KALRN: variants seen among roughly 807,000 people sequenced by gnomAD.
KALRN encodes the protein kalirin.
In KALRN, 70 loss-of-function variants were observed where a neutral mutation model predicts 353.7. That is an observed-to-expected ratio of 0.20 (90% CI 0.16 to 0.24). KALRN has a LOEUF of 0.24. Among genes scored for constraint, KALRN ranks in the 10% least tolerant of loss-of-function variants. The pLI is 1.00. For synonymous variants in KALRN, 1,391 were observed against 1,434.8 expected, an observed-to-expected ratio of 0.97 and a Z score of 0.69; for missense variants, 2,791 against 3,756.7, an observed-to-expected ratio of 0.74 and a Z score of 6.72.
At chr3:124,714,094 G>A (rs150931033) in intron 58 of KALRN, among the ~76,000 whole-genome samples, 5 of 151,528 alleles carry the variant, frequency 3.3e-5, no homozygotes, top group African/African-American at 9.7e-5. Context: ...AAACAGAGGG[G>A]ACAAACCCCA....
At chr3:124,674,810 T>C in intron 49 of KALRN, 196 bp downstream of exon 49, 1 of 452,212 alleles carries the variant, frequency 2.2e-6, no homozygotes, top group East Asian at 3.6e-5. Context: ...TCCAGTTTTT[T>C]AGTTGGTGGT....
At chr3:124,272,083 A>C (rs2074227807) in intron 5 of KALRN, among the ~76,000 whole-genome samples, 1 of 152,178 alleles carries the variant, frequency 6.6e-6, no homozygotes, top group Non-Finnish European at 1.5e-5. Flanking sequence ...ATTGGGTACT[A>C]TACCCATACC....
intron 51 of KALRN, among the ~76,000 whole-genome samples, chr3:124,687,858 AAG>A (rs1174914495): frequency 6.7e-6 from 1 of 149,890 alleles, no homozygotes; most frequent in African/African-American, 2.4e-5. Context: ...AACTGGGTAA[AAG>A]AAAAAAATCA....
At chr3:124,569,505 A>G (rs1164796411) in intron 34 of KALRN, among the ~76,000 whole-genome samples, 1 of 152,200 alleles carries the variant, frequency 6.6e-6, no homozygotes, top group Non-Finnish European at 1.5e-5. Flanking sequence ...TTATGCTAAT[A>G]GCAATAATAT....
At chr3:124,678,354 C>T (rs561688495) in intron 50 of KALRN, 41 bp downstream of exon 50, 1 of 1,605,810 alleles carries the variant, frequency 6.2e-7, no homozygotes, top group Admixed American at 1.7e-5. Flanking sequence ...ACCTGTCATC[C>T]ACTCCCACCC....
At chr3:124,495,766 G>A (rs2063647341) in intron 32 of KALRN, among the ~76,000 whole-genome samples, 1 of 136,656 alleles carries the variant, frequency 7.3e-6, no homozygotes, top group African/African-American at 2.7e-5. Flanking sequence ...AAGAAATCTT[G>A]TCACTTCTGT....
Position 124,632,401 on chromosome 3 carries a change from G to A in KALRN, c.5183-19G>A. On this transcript the variant is annotated intron_variant, in intron 34 of 59. Coordinates refer to ENST00000682506, the MANE Select transcript of KALRN (RefSeq NM_001388419.1). ...CCTTCACCACCTCTGACATGGCTGT[G>A]TCTGTCCGTTTTCCTCAGATGCATA... 3 of 1,612,270 alleles carry A rather than the reference G, an allele frequency of 1.9e-6. No homozygotes were observed. The highest frequency in any genetic ancestry group is 8.5e-7 in the Non-Finnish European group (1 of 1,178,666).
chr3:124,378,216 T>C (rs1404068129), intron 10 of KALRN, among the ~76,000 whole-genome samples: 5 of 152,086 alleles, frequency 3.3e-5, no homozygotes, highest in Non-Finnish European at 5.9e-5. Flanking sequence ...TTTATTATTT[T>C]AATGGTTGCC....
intron 33 of KALRN, among the ~76,000 whole-genome samples, chr3:124,531,954 G>A (rs942590892): frequency 1.7e-4 from 26 of 152,112 alleles, no homozygotes; most frequent in Non-Finnish European, 3.1e-4. Context: ...AGAAAGCTTC[G>A]TGTTCTTCTT....
At chr3:124,109,589 G>C (rs1316942170) in intron 1 of KALRN, among the ~76,000 whole-genome samples, 1 of 151,146 alleles carries the variant, frequency 6.6e-6, no homozygotes, top group East Asian at 1.9e-4. Flanking sequence ...AAGTCTTTAT[G>C]GGTTGATTTT....
At chr3:124,155,034 G>C (rs746727718) in intron 1 of KALRN, among the ~76,000 whole-genome samples, 35 of 152,204 alleles carry the variant, frequency 2.3e-4, no homozygotes, top group African/African-American at 7.7e-4. Flanking sequence ...AATAAATGGT[G>C]CTGGGAAAAC....
chr3:124,687,620 C>A (rs2061622600), intron 51 of KALRN, among the ~76,000 whole-genome samples: 1 of 129,530 alleles, frequency 7.7e-6, no homozygotes, highest in Admixed American at 8.3e-5. Context: ...ATATAGAGAC[C>A]TGTACCCCCA....
intron 17 of KALRN, among the ~76,000 whole-genome samples, chr3:124,437,844 A>C (rs1053200211): frequency 2.0e-5 from 3 of 152,154 alleles, no homozygotes; most frequent in African/African-American, 7.2e-5. Flanking sequence ...AAGTCTACTG[A>C]AGGAAATCCA....
intron 2 of KALRN, among the ~76,000 whole-genome samples, chr3:124,233,032 C>T (rs763812319): frequency 1.3e-5 from 2 of 152,030 alleles, no homozygotes; most frequent in Admixed American, 6.5e-5. Flanking sequence ...AAAAGCTCCC[C>T]GGCCGTGATC....
chr3:124,540,620 G>A (rs955276989), intron 33 of KALRN, among the ~76,000 whole-genome samples: 9 of 152,152 alleles, frequency 5.9e-5, no homozygotes, highest in African/African-American at 1.4e-4. Context: ...TGCAATAACC[G>A]TGGCTTAGAA....
At chr3:124,617,550 A>T (rs536090546) in intron 34 of KALRN, among the ~76,000 whole-genome samples, 1 of 152,370 alleles carries the variant, frequency 6.6e-6, no homozygotes, top group South Asian at 2.1e-4. Context: ...AGGGTGTATA[A>T]GCAGGGAAGA....
intron 24 of KALRN, 125 bp downstream of exon 24, chr3:124,462,081 C>A (rs2059912332): frequency 7.1e-6 from 5 of 702,076 alleles, no homozygotes; most frequent in Non-Finnish European, 1.2e-5. Context: ...AAAAAGTCAA[C>A]AAGAGGAAAT....
chr3:124,660,544 G>T (rs904862559), intron 43 of KALRN, among the ~76,000 whole-genome samples: 1 of 151,978 alleles, frequency 6.6e-6, no homozygotes, highest in African/African-American at 2.4e-5. Flanking sequence ...AGCTGAGTGT[G>T]GTGGCACTTG....
chr3:124,312,447 C>T (rs2078366774), intron 6 of KALRN, among the ~76,000 whole-genome samples: 1 of 152,168 alleles, frequency 6.6e-6, no homozygotes, highest in Non-Finnish European at 1.5e-5. Context: ...AGGTGTGAGC[C>T]ACTGCGCCCA....
Sources: allele counts gnomAD v4.1 joint callset (sites outside exome capture counted in the v4.1 genomes callset), GRCh38; gene constraint gnomAD v4.1.1; transcripts MANE v1.5; gene names NCBI Gene and HGNC (gene_info 2026-07-23, HGNC 2026-07-21).